Variants in PTPRM observed in about 807,000 individuals in gnomAD.
The protein encoded by PTPRM is protein tyrosine phosphatase receptor type M, also known as receptor-type tyrosine-protein phosphatase mu.
A neutral mutation model predicts 186.7 loss-of-function variants in PTPRM; 47 were observed. That is an observed-to-expected ratio of 0.25 (90% CI 0.20 to 0.32). The LOEUF is 0.32. Ranked by LOEUF, PTPRM falls within the 10% of genes least tolerant of loss-of-function variation. The pLI is 1.00. For synonymous variants in PTPRM, 668 were observed against 674.9 expected (o/e 0.99, Z 0.16); for missense variants, 1,494 against 1,865.0 (o/e 0.80, Z 3.66).
intron 14 of PTPRM, among the ~76,000 whole-genome samples, chr18:8,234,288 C>G (rs11081366): frequency 0.62 from 94,290 of 151,992 alleles, 29,742 homozygotes; most frequent in Middle Eastern, 0.75. Flanking sequence ...TTCCTCTATA[C>G]TTTTTGTACG....
intron 14 of PTPRM, among the ~76,000 whole-genome samples, chr18:8,147,734 G>A (rs1460487215): frequency 6.6e-6 from 1 of 152,182 alleles, no homozygotes; most frequent in Non-Finnish European, 1.5e-5. Flanking sequence ...AGTTTTTAAA[G>A]GGAGTGCTTC....
At chr18:7,888,473 T>C in intron 3 of PTPRM, 96 bp downstream of exon 3, 1 of 1,382,460 alleles carries the variant, frequency 7.2e-7, no homozygotes. Flanking sequence ...AAGGTTGTTG[T>C]ATTTTTGTTG....
At chr18:7,812,721 G>T (rs58012227) in intron 2 of PTPRM, among the ~76,000 whole-genome samples, 34 of 145,188 alleles carry the variant, frequency 2.3e-4, no homozygotes, top group African/African-American at 8.5e-4. Context: ...GACTTGGAAA[G>T]TTTTTTTTTT....
At chr18:8,167,072 G>T (rs75202710) in intron 14 of PTPRM, among the ~76,000 whole-genome samples, 1 of 152,194 alleles carries the variant, frequency 6.6e-6, no homozygotes, top group South Asian at 2.1e-4. Context: ...CTCACTTAAG[G>T]TCAGGAAGCA....
intron 4 of PTPRM, among the ~76,000 whole-genome samples, chr18:7,914,960 TAGG>T (rs2050468802): frequency 6.6e-6 from 1 of 152,176 alleles, no homozygotes; most frequent in Non-Finnish European, 1.5e-5. Context: ...AAAAGGGGGT[TAGG>T]ACATAGTCCT....
chr18:8,399,453 T>A (rs2095860827), intron 32 of PTPRM, among the ~76,000 whole-genome samples: 1 of 152,214 alleles, frequency 6.6e-6, no homozygotes. Context: ...ACTGTATCCT[T>A]TAAAGAGGCC....
chr18:7,684,196 A>G (rs1033349981), intron 1 of PTPRM, among the ~76,000 whole-genome samples: 7 of 152,022 alleles, frequency 4.6e-5, no homozygotes, highest in Admixed American at 1.3e-4. Context: ...GCTATTCGGG[A>G]GACTGAGGCA....
intron 7 of PTPRM, among the ~76,000 whole-genome samples, chr18:7,976,302 G>A (rs1328105715): frequency 6.6e-6 from 1 of 152,236 alleles, no homozygotes; most frequent in Non-Finnish European, 1.5e-5. Context: ...GAAGCTGGGA[G>A]AGGCAGGGAT....
At chr18:8,269,559 A>G (rs924642317) in intron 19 of PTPRM, among the ~76,000 whole-genome samples, 1 of 151,988 alleles carries the variant, frequency 6.6e-6, no homozygotes, top group Non-Finnish European at 1.5e-5. Flanking sequence ...GTATGGAACT[A>G]CAAAGGACCC....
intron 1 of PTPRM, among the ~76,000 whole-genome samples, chr18:7,745,692 A>G (rs967256057): frequency 6.6e-6 from 1 of 152,218 alleles, no homozygotes; most frequent in Non-Finnish European, 1.5e-5. Context: ...GAGATGGTAA[A>G]TCAGTGACCA....
chr18:8,299,944 C>A (rs1007571747), intron 20 of PTPRM, among the ~76,000 whole-genome samples: 2 of 152,122 alleles, frequency 1.3e-5, no homozygotes, highest in African/African-American at 4.8e-5. Flanking sequence ...CACATTTCTA[C>A]CACCAGGATA....
At chr18:7,900,671 G>A (rs1567987281) in intron 3 of PTPRM, among the ~76,000 whole-genome samples, 2 of 152,138 alleles carry the variant, frequency 1.3e-5, no homozygotes, top group Non-Finnish European at 2.9e-5. Context: ...AATAGATCTA[G>A]GATTAGACCC....
intron 7 of PTPRM, among the ~76,000 whole-genome samples, chr18:8,035,540 A>T (rs2086266545): frequency 6.6e-6 from 1 of 152,080 alleles, no homozygotes; most frequent in African/African-American, 2.4e-5. Context: ...AATAGTTCTT[A>T]TACTATATTA....
intron 14 of PTPRM, among the ~76,000 whole-genome samples, chr18:8,170,904 A>G (rs2093390576): frequency 6.6e-6 from 1 of 152,208 alleles, no homozygotes; most frequent in Admixed American, 6.5e-5. Flanking sequence ...AAATAAAACC[A>G]TTCATCCATA....
intron 1 of PTPRM, among the ~76,000 whole-genome samples, chr18:7,574,974 G>T (rs1047391640): frequency 6.6e-6 from 1 of 152,220 alleles, no homozygotes; most frequent in African/African-American, 2.4e-5. Flanking sequence ...GGAGCTTGCA[G>T]TGAGCCGAGA....
At chr18:8,209,665 T>C (rs1021918067) in intron 14 of PTPRM, among the ~76,000 whole-genome samples, 2 of 151,998 alleles carry the variant, frequency 1.3e-5, no homozygotes, top group Non-Finnish European at 2.9e-5. Context: ...AGGGAGATAA[T>C]CAATTTAAAA....
At chr18:7,950,360 T>G (rs1423634467) in intron 6 of PTPRM, among the ~76,000 whole-genome samples, 1 of 152,196 alleles carries the variant, frequency 6.6e-6, no homozygotes, top group East Asian at 1.9e-4. Context: ...GCTATGATTG[T>G]GCCCCTGCAT....
intron 14 of PTPRM, among the ~76,000 whole-genome samples, chr18:8,237,521 T>C (rs2094360607): frequency 7.2e-6 from 1 of 138,270 alleles, no homozygotes; most frequent in Non-Finnish European, 1.5e-5. Flanking sequence ...CGATCTCAGC[T>C]CACTGCAACC....
intron 22 of PTPRM, among the ~76,000 whole-genome samples, chr18:8,333,049 C>T (rs1370554478): frequency 2.0e-5 from 3 of 152,092 alleles, no homozygotes; most frequent in African/African-American, 4.8e-5. Flanking sequence ...AAAGTATTGC[C>T]GAGTTTTCCC....
Sources: allele counts gnomAD v4.1 joint callset (sites outside exome capture counted in the v4.1 genomes callset), GRCh38; gene constraint gnomAD v4.1.1; transcripts MANE v1.5; gene names NCBI Gene and HGNC (gene_info 2026-07-23, HGNC 2026-07-21).